The following SLIT3 variants were observed in gnomAD, a reference collection of about 807,000 sequenced individuals.
SLIT3 encodes the protein slit homolog 3 protein.
In SLIT3, 68 loss-of-function variants were observed where a neutral mutation model predicts 184.0. The ratio of observed to expected loss-of-function variants is 0.37; its 90% CI spans 0.30 to 0.45. SLIT3 has a LOEUF of 0.45. SLIT3 is among the 20% of genes least tolerant of loss of function. The pLI, the probability that SLIT3 is intolerant of heterozygous loss-of-function variation, is 1.00. For missense variants in SLIT3, 1,707 were observed against 2,026.0 expected (o/e 0.84, Z 3.02); for synonymous variants, 831 against 828.6 (o/e 1.00, Z -0.05).
chr5:168,967,530 C>A (rs189827479), intron 4 of SLIT3, among the ~76,000 whole-genome samples: 3,178 of 123,246 alleles, frequency 0.026, 171 homozygotes, highest in African/African-American at 0.09. Context: ...AGCTCCGCCT[C>A]CCGGGTTCAC....
rs767514589 is a variant in SLIT3 at position 168,666,455 on chromosome 5, T to C, written c.4571A>G (p.Ter1524=). ...GGTGGCAGGCAGGCGGGCAGGGGCT[T>C]AGGAACACGCGAGGCAGCCGCACTC... ...HLECGCLACS[*] Residue 1524 remains the stop codon, a stop_retained_variant, in exon 36 of 36, where the codon TAA becomes TGA. Coordinates refer to ENST00000519560, the MANE Select transcript of SLIT3 (RefSeq NM_003062.4). 3 of 1,561,630 alleles carry C rather than the reference T, an allele frequency of 1.9e-6. No homozygotes were observed. The highest frequency in any genetic ancestry group is 2.7e-5 in the African/African-American group (2 of 74,122).
At chr5:169,244,892 C>T in intron 2 of SLIT3, 116 bp from the exon 3 acceptor site, 1 of 863,408 alleles carries the variant, frequency 1.2e-6, no homozygotes, top group South Asian at 1.4e-5. Flanking sequence ...GTCAGTGTCC[C>T]TTCAACTGGG....
Position 169,114,971 on chromosome 5 carries a change from G to A in SLIT3, c.413+78508C>T, listed in dbSNP as rs528357103. Among the ~76,000 whole-genome samples the A allele has an allele frequency of 6.6e-5, 10 of 152,284 alleles. No homozygotes were observed. In the East Asian group the frequency reaches 9.7e-4, roughly 15 times the overall value. ...AGCTGATGAAATGGAGGGGGAGGGC[G>A]GAAGGAGGTGTGCTAATCTGCCTGC... On this transcript the variant is annotated intron_variant, in intron 4 of 35. Transcript: ENST00000519560.
chr5:169,005,096 C>A (rs1423137357), intron 4 of SLIT3, among the ~76,000 whole-genome samples: 2 of 151,950 alleles, frequency 1.3e-5, no homozygotes, highest in African/African-American at 4.8e-5. Context: ...TATTTTTAAG[C>A]AATAAAGTAT....
intron 5 of SLIT3, among the ~76,000 whole-genome samples, chr5:168,859,215 C>A (rs554139432): frequency 2.0e-5 from 3 of 152,250 alleles, no homozygotes; most frequent in Non-Finnish European, 4.4e-5. Context: ...TCTATATTAA[C>A]CCCTCCAAGA....
At chr5:169,038,556 T>C (rs1477884832) in intron 4 of SLIT3, among the ~76,000 whole-genome samples, 1 of 152,116 alleles carries the variant, frequency 6.6e-6, no homozygotes, top group Non-Finnish European at 1.5e-5. Flanking sequence ...AAGGTATAGG[T>C]GGATGAGGAA....
At chr5:168,990,719 T>C (rs183717585) in intron 4 of SLIT3, among the ~76,000 whole-genome samples, 2 of 152,168 alleles carry the variant, frequency 1.3e-5, no homozygotes, top group African/African-American at 2.4e-5. Flanking sequence ...TGTGTGCAGG[T>C]ACAGGGACCT....
At chr5:168,729,093 T>A (rs1763220448) in intron 20 of SLIT3, among the ~76,000 whole-genome samples, 2 of 150,890 alleles carry the variant, frequency 1.3e-5, no homozygotes, top group African/African-American at 4.9e-5. Context: ...CAGACAAAAA[T>A]AAGGAAAAAA....
chr5:169,154,439 C>T (rs1378973729), intron 4 of SLIT3, among the ~76,000 whole-genome samples: 1 of 152,250 alleles, frequency 6.6e-6, no homozygotes, highest in Non-Finnish European at 1.5e-5. Context: ...TCTACCCCTT[C>T]TGCCTAGTCC....
intron 10 of SLIT3, chr5:168,791,811 A>C (rs1426716364): frequency 6.6e-6 from 1 of 152,202 alleles, no homozygotes; most frequent in Non-Finnish European, 1.5e-5. Flanking sequence ...GTGTTGTATA[A>C]CACAATGGAT....
chr5:168,936,342 C>A (rs994988658), intron 4 of SLIT3, among the ~76,000 whole-genome samples: 7 of 152,188 alleles, frequency 4.6e-5, no homozygotes, highest in African/African-American at 1.7e-4. Context: ...TCAAGTGATT[C>A]TCCTGCCTCA....
intron 20 of SLIT3, among the ~76,000 whole-genome samples, chr5:168,742,919 G>A (rs2113436356): frequency 6.6e-6 from 1 of 152,016 alleles, no homozygotes; most frequent in East Asian, 1.9e-4. Flanking sequence ...CCAAGGTCAA[G>A]AGATCGAGAC....
At chr5:169,038,326 A>G (rs1757327620) in intron 4 of SLIT3, among the ~76,000 whole-genome samples, 1 of 152,250 alleles carries the variant, frequency 6.6e-6, no homozygotes, top group African/African-American at 2.4e-5. Flanking sequence ...CTGATTGAAT[A>G]TGTGTATGAA....
intron 9 of SLIT3, among the ~76,000 whole-genome samples, chr5:168,804,436 T>C (rs895067999): frequency 1.3e-5 from 2 of 149,884 alleles, no homozygotes; most frequent in South Asian, 4.2e-4. Context: ...TTAGATAGTA[T>C]GTTGGAAGGC....
intron 28 of SLIT3, among the ~76,000 whole-genome samples, chr5:168,694,402 G>A (rs1457324027): frequency 6.6e-6 from 1 of 152,120 alleles, no homozygotes; most frequent in Non-Finnish European, 1.5e-5. Flanking sequence ...AGCCCTTGTG[G>A]GCTGAGGGCA....
chr5:169,168,888 T>A (rs1021988358), intron 4 of SLIT3, among the ~76,000 whole-genome samples: 1 of 152,090 alleles, frequency 6.6e-6, no homozygotes, highest in Non-Finnish European at 1.5e-5. Flanking sequence ...CATTGGCCAG[T>A]GGCCAGAGAC....
At chr5:168,768,110 G>C (rs745981971) in intron 14 of SLIT3, 43 of 460,212 alleles carry the variant, frequency 9.3e-5, no homozygotes, top group Admixed American at 7.9e-4. Context: ...CAGAGGAGAG[G>C]TGTCCAGCGG....
intron 4 of SLIT3, among the ~76,000 whole-genome samples, chr5:169,114,181 C>A (rs573520414): frequency 1.3e-5 from 2 of 152,280 alleles, no homozygotes; most frequent in African/African-American, 4.8e-5. Flanking sequence ...GGACAAAAAC[C>A]TCCCTACCTA....
intron 20 of SLIT3, among the ~76,000 whole-genome samples, chr5:168,726,799 C>T (rs1763145401): frequency 1.3e-5 from 2 of 150,394 alleles, no homozygotes; most frequent in Non-Finnish European, 1.5e-5. Flanking sequence ...ATGGTGAAAC[C>T]CCCCTCCTAA....
Sources: gnomAD v4.1 joint callset for allele counts (sites outside exome capture counted in the v4.1 genomes callset) on GRCh38, gnomAD v4.1.1 for gene constraint, MANE v1.5 for transcripts, NCBI Gene and HGNC (gene_info 2026-07-23, HGNC 2026-07-21) for gene names.